The following VPS54 variants were observed in gnomAD, a reference collection of about 807,000 sequenced individuals.
VPS54 encodes the protein VPS54 subunit of GARP complex, also known as vacuolar protein sorting-associated protein 54.
A neutral mutation model predicts 121.5 loss-of-function variants in VPS54; 45 were observed. The ratio of observed to expected loss-of-function variants is 0.37; its 90% confidence interval spans 0.29 to 0.47. VPS54 has a LOEUF of 0.47. Ranked by LOEUF, VPS54 falls within the 20% of genes least tolerant of loss-of-function variation. The pLI, the probability that VPS54 is intolerant of heterozygous loss-of-function variation, is 0.99. For missense variants in VPS54, 1,090 were observed against 1,131.4 expected (o/e 0.96, Z 0.52); for synonymous variants, 371 against 385.8 (o/e 0.96, Z 0.45).
Position 63,998,892 on chromosome 2 carries a change from A to G in VPS54, c.-20-14873T>C, listed in dbSNP as rs62136430. Among the ~76,000 whole-genome samples, 1,244 of 152,160 alleles carry G rather than the reference A, an allele frequency of 8.2e-3. 11 individuals carry two copies. The highest frequency in any genetic ancestry group is 0.026 in the South Asian group (127 of 4,818). ...TACTTATATTGCCAGTTAGTTTTACATCTTCAGATGGTATCTTTTTGCTTA... is the reference window on the plus strand; with the variant it reads ...TACTTATATTGCCAGTTAGTTTTACGTCTTCAGATGGTATCTTTTTGCTTA... On this transcript the variant is annotated intron_variant, in intron 1 of 22. Transcript: ENST00000272322.
At chr2:63,921,476 G>GT (rs1673644036) in intron 12 of VPS54, 141 bp from the exon 13 acceptor site, 1 of 798,732 alleles carries the variant, frequency 1.3e-6, no homozygotes, top group African/African-American at 1.7e-5. Context: ...ATATCTTATA[G>GT]TTTTTATAGT....
chr2:63,992,912 A>G (rs1025707269), intron 1 of VPS54, among the ~76,000 whole-genome samples: 1 of 152,258 alleles, frequency 6.6e-6, no homozygotes, highest in African/African-American at 2.4e-5. Context: ...TTATCAATGG[A>G]AAGTACTTCC....
At chr2:63,960,071 T>C (rs1004363483) in intron 7 of VPS54, among the ~76,000 whole-genome samples, 1 of 151,252 alleles carries the variant, frequency 6.6e-6, no homozygotes, top group Non-Finnish European at 1.5e-5. Flanking sequence ...GTGGTGTGTG[T>C]TTTTAATCCC....
intron 7 of VPS54, among the ~76,000 whole-genome samples, chr2:63,960,640 A>T (rs1213939794): frequency 2.0e-5 from 3 of 152,220 alleles, no homozygotes; most frequent in Non-Finnish European, 4.4e-5. Flanking sequence ...AACACTCATG[A>T]TATTATACAG....
At chr2:63,934,538 T>C (rs1674364587) in intron 11 of VPS54, among the ~76,000 whole-genome samples, 1 of 152,194 alleles carries the variant, frequency 6.6e-6, no homozygotes, top group Non-Finnish European at 1.5e-5. Context: ...CTATCCGGAA[T>C]GCTTTTCACC....
chr2:63,929,618 G>C (rs1446323072), intron 12 of VPS54, among the ~76,000 whole-genome samples: 1 of 150,954 alleles, frequency 6.6e-6, no homozygotes, highest in African/African-American at 2.4e-5. Flanking sequence ...AGAGAAGCAA[G>C]AGCAAACACA....
In VPS54 at chr2:63,893,281, T is replaced by G; in HGVS notation, c.*149A>C. The stretch of plus-strand genomic sequence containing the variant: ...CTTGTAGATCCCACTGAATCCAGTT[T>G]CCCAACACTTGATACTTTCCTTTTT... On this transcript the variant is annotated 3_prime_UTR_variant, in exon 23 of 23. Coordinates refer to ENST00000272322, the MANE Select transcript of VPS54 (RefSeq NM_016516.3). 1 of 777,270 alleles carries G rather than the reference T, an allele frequency of 1.3e-6. No individual in the cohort carries two copies. Among genetic ancestry groups the G allele is most frequent in the Admixed American group, 1.8e-5 (1 of 55,832 alleles). The allele number at this position is 777,270 out of a possible 1,614,324, so 48.1% of individuals were successfully genotyped here.
At position 63,986,583 on chromosome 2, in the gene VPS54, A is replaced by G. The variant is rs932012466; in HGVS notation, c.-20-2564T>C. ...TGCAATAAATATGGATATCTCTTCA[A>G]TATACTGATTTCATTTATTGTATAT... On this transcript the variant is annotated intron_variant, in intron 1 of 22. Transcript: ENST00000272322. Among the ~76,000 whole-genome samples the G allele has an allele frequency of 2.0e-5, 3 of 152,310 alleles. No homozygotes were observed. In the South Asian group the frequency reaches 6.2e-4, roughly 32 times the overall value.
In VPS54 at chr2:63,972,146, T is replaced by C. The variant is rs189312899; in HGVS notation, c.457+20A>G. Reference sequence around the variant, plus strand: ...TATTTATGCTATGCTTTATTATCTATAAATAACACATATTCATACCATGAG... The same window carrying C: ...TATTTATGCTATGCTTTATTATCTACAAATAACACATATTCATACCATGAG... On this transcript the variant is annotated intron_variant, in intron 4 of 22. Transcript: ENST00000272322. 6 of 1,468,626 alleles carry C rather than the reference T, an allele frequency of 4.1e-6. No homozygotes were observed. In the East Asian group the frequency reaches 7.0e-5, roughly 17 times the overall value. 91.0% of individuals were successfully genotyped at this position (1,468,626 alleles called of 1,614,324 possible). A position where few individuals can be genotyped will look rare whatever the true frequency, so the allele number is the denominator to read the frequency against.
chr2:63,985,673 C>CA (rs1559040402), intron 1 of VPS54, among the ~76,000 whole-genome samples: 1 of 126,908 alleles, frequency 7.9e-6, no homozygotes, highest in Non-Finnish European at 1.6e-5. Context: ...GAAGAAGTGA[C>CA]AAATTATACA....
At chr2:63,953,608 A>G (rs1675359693) in intron 7 of VPS54, among the ~76,000 whole-genome samples, 1 of 152,200 alleles carries the variant, frequency 6.6e-6, no homozygotes, top group African/African-American at 2.4e-5. Flanking sequence ...GCGCATGTAC[A>G]ATATCCAGAG....
intron 1 of VPS54, among the ~76,000 whole-genome samples, chr2:64,010,249 T>G (rs575475977): frequency 7.0e-4 from 107 of 152,348 alleles, no homozygotes; most frequent in Non-Finnish European, 1.4e-3. Flanking sequence ...GGACAGAGCT[T>G]TTTTGACATA....
intron 22 of VPS54, among the ~76,000 whole-genome samples, chr2:63,895,555 A>T (rs1332984523): frequency 6.6e-6 from 1 of 152,246 alleles, no homozygotes; most frequent in Non-Finnish European, 1.5e-5. Flanking sequence ...GTTTGGAACT[A>T]GATAGAGGTG....
intron 3 of VPS54, 107 bp downstream of exon 3, chr2:63,981,539 T>C (rs1676799822): frequency 7.9e-7 from 1 of 1,259,008 alleles, no homozygotes; most frequent in Admixed American, 2.4e-5. Flanking sequence ...ACGAAAAGAA[T>C]ACTATAGGTT....
intron 1 of VPS54, among the ~76,000 whole-genome samples, chr2:63,993,458 C>G (rs1179771054): frequency 6.6e-6 from 1 of 152,130 alleles, no homozygotes; most frequent in Non-Finnish European, 1.5e-5. Context: ...ATTGCACTCC[C>G]CTACTGGGCT....
At chr2:63,894,120 A>C (rs964079354) in intron 22 of VPS54, among the ~76,000 whole-genome samples, 1 of 152,240 alleles carries the variant, frequency 6.6e-6, no homozygotes, top group Non-Finnish European at 1.5e-5. Context: ...ACAAGGTACT[A>C]CTATCCCCCA....
intron 1 of VPS54, among the ~76,000 whole-genome samples, chr2:64,016,422 G>A (rs1678695462): frequency 6.6e-6 from 1 of 152,110 alleles, no homozygotes; most frequent in East Asian, 1.9e-4. Context: ...TTATATGAAA[G>A]GCCCACATTA....
chr2:63,946,298 G>C (rs1392557010), intron 9 of VPS54, among the ~76,000 whole-genome samples: 6 of 152,046 alleles, frequency 3.9e-5, no homozygotes, highest in African/African-American at 1.4e-4. Flanking sequence ...GATGGAATTT[G>C]GGCTGTTTCC....
intron 8 of VPS54, among the ~76,000 whole-genome samples, chr2:63,948,300 G>A (rs1675082868): frequency 6.6e-6 from 1 of 151,908 alleles, no homozygotes; most frequent in African/African-American, 2.4e-5. Flanking sequence ...TACCAGCTAA[G>A]TGAAGCCTGG....
Sources: gnomAD v4.1 joint callset for allele counts (sites outside exome capture counted in the v4.1 genomes callset) on GRCh38, gnomAD v4.1.1 for gene constraint, MANE v1.5 for transcripts, NCBI Gene and HGNC (gene_info 2026-07-23, HGNC 2026-07-21) for gene names.